Variants in TMC1 observed in about 807,000 individuals in gnomAD.
TMC1 encodes the protein transmembrane channel like 1, also known as transmembrane channel-like protein 1.
In TMC1, 84 loss-of-function variants were observed where a neutral mutation model predicts 105.8. The ratio of observed to expected loss-of-function variants is 0.79; its 90% CI spans 0.67 to 0.95. TMC1 has a LOEUF of 0.95. Ranked by LOEUF, TMC1 falls within the 40% of genes least tolerant of loss-of-function variation. The pLI is 0.00. For missense variants in TMC1, 817 were observed against 914.1 expected (o/e 0.89, Z 1.37); for synonymous variants, 315 against 311.5 (o/e 1.01, Z -0.12).
intron 8 of TMC1, among the ~76,000 whole-genome samples, chr9:72,728,328 G>T (rs1827156285): frequency 6.6e-6 from 1 of 152,182 alleles, no homozygotes; most frequent in Non-Finnish European, 1.5e-5. Flanking sequence ...AGCTTGTCAT[G>T]CAGATTCCTC....
chr9:72,729,842 A>C (rs1474127813), intron 8 of TMC1, among the ~76,000 whole-genome samples: 2 of 152,212 alleles, frequency 1.3e-5, no homozygotes, highest in African/African-American at 4.8e-5. Flanking sequence ...TTGAAGACCC[A>C]AGGAAAAACT....
At chr9:72,681,663 C>A (rs1423135041) in intron 5 of TMC1, among the ~76,000 whole-genome samples, 4 of 151,958 alleles carry the variant, frequency 2.6e-5, no homozygotes, top group Middle Eastern at 3.4e-3. Context: ...GGAAAACGTG[C>A]AAAAAAATTG....
intron 8 of TMC1, among the ~76,000 whole-genome samples, chr9:72,720,693 G>A (rs1165660633): frequency 1.3e-5 from 2 of 152,202 alleles, no homozygotes; most frequent in Admixed American, 6.5e-5. Context: ...AGATGCAAGA[G>A]GAACAAACTG....
At chr9:72,798,477 A>T (rs1828411814) in intron 17 of TMC1, among the ~76,000 whole-genome samples, 1 of 152,164 alleles carries the variant, frequency 6.6e-6, no homozygotes, top group African/African-American at 2.4e-5. Context: ...TCAATGACAG[A>T]TTGGATAGGG....
At chr9:72,666,886 CCAAAACAAAACAAAACAAAA>C (rs111525479) in intron 5 of TMC1, among the ~76,000 whole-genome samples, 61 of 148,094 alleles carry the variant, frequency 4.1e-4, no homozygotes, top group African/African-American at 1.4e-3. Flanking sequence ...CCCATCTCTA[CCAAAACAAAACAAAACAAAA>C]CAAAACAAAA....
chr9:72,656,664 A>G (rs934890856), intron 5 of TMC1, among the ~76,000 whole-genome samples: 2 of 152,176 alleles, frequency 1.3e-5, no homozygotes, highest in Admixed American at 1.3e-4. Flanking sequence ...CTTACTTGGT[A>G]ATTTTTTTAT....
intron 8 of TMC1, among the ~76,000 whole-genome samples, chr9:72,714,802 C>G (rs904434214): frequency 2.0e-5 from 3 of 152,042 alleles, no homozygotes; most frequent in Admixed American, 2.0e-4. Flanking sequence ...TTTGATCCTG[C>G]CATTATGATG....
At chr9:72,595,811 G>A (rs1408570883) in intron 2 of TMC1, among the ~76,000 whole-genome samples, 3 of 150,618 alleles carry the variant, frequency 2.0e-5, no homozygotes, top group Non-Finnish European at 4.4e-5. Flanking sequence ...TGAGTAGCTG[G>A]GATTACAGGC....
chr9:72,542,296 G>C (rs1823692424), intron 1 of TMC1, among the ~76,000 whole-genome samples: 1 of 152,036 alleles, frequency 6.6e-6, no homozygotes, highest in Non-Finnish European at 1.5e-5. Context: ...CCCCGTCTCT[G>C]CTAAAAATAC....
intron 12 of TMC1, among the ~76,000 whole-genome samples, chr9:72,757,329 A>G (rs1564534765): frequency 6.6e-6 from 1 of 152,190 alleles, no homozygotes; most frequent in Non-Finnish European, 1.5e-5. Context: ...TTTATATCTG[A>G]GACTAAGCTC....
At chr9:72,800,341 C>T (rs372812333) in intron 17 of TMC1, among the ~76,000 whole-genome samples, 6 of 152,234 alleles carry the variant, frequency 3.9e-5, no homozygotes, top group African/African-American at 1.2e-4. Flanking sequence ...GAATTTGAGA[C>T]GTTCTCTTCT....
chr9:72,637,609 T>C (rs370769680), intron 4 of TMC1, among the ~76,000 whole-genome samples: 1 of 152,208 alleles, frequency 6.6e-6, no homozygotes. Context: ...AGAAGACCTA[T>C]TTCCCAGAGA....
intron 1 of TMC1, among the ~76,000 whole-genome samples, chr9:72,555,216 A>G (rs530035464): frequency 1.5e-3 from 203 of 135,644 alleles, no homozygotes; most frequent in African/African-American, 5.3e-3. Context: ...TTTTTTTGAG[A>G]CAGAGTTTTG....
chr9:72,758,203 A>G (rs989503845), intron 12 of TMC1, among the ~76,000 whole-genome samples: 2 of 152,216 alleles, frequency 1.3e-5, no homozygotes, highest in African/African-American at 4.8e-5. Context: ...CAGGAAAGAT[A>G]GGTTGATTCA....
intron 20 of TMC1, among the ~76,000 whole-genome samples, chr9:72,823,004 A>T (rs1206925256): frequency 3.9e-5 from 6 of 152,162 alleles, no homozygotes; most frequent in Admixed American, 1.3e-4. Flanking sequence ...GAAATCAGGG[A>T]AATTTATTTT....
intron 1 of TMC1, among the ~76,000 whole-genome samples, chr9:72,569,582 G>A (rs7873501): frequency 0.14 from 21,169 of 152,114 alleles, 2,068 homozygotes; most frequent in African/African-American, 0.26. Context: ...CAGGTGGATG[G>A]GGCAGGGCAT....
chr9:72,654,478 T>TA, intron 5 of TMC1, among the ~76,000 whole-genome samples: 1 of 152,248 alleles, frequency 6.6e-6, no homozygotes, highest in Non-Finnish European at 1.5e-5. Flanking sequence ...TCACTATTGG[T>TA]ATATTATCTA....
At chr9:72,724,070 T>C (rs1388459640) in intron 8 of TMC1, among the ~76,000 whole-genome samples, 1 of 152,226 alleles carries the variant, frequency 6.6e-6, no homozygotes, top group Non-Finnish European at 1.5e-5. Flanking sequence ...AATGATAATA[T>C]TCAAAGATGT....
In TMC1 at chr9:72,730,905, G is replaced by A. The variant is rs185587704; in HGVS notation, c.363-9214G>A. ...ACCCCTATGAAAATCTAATGTGACT[G>A]CTGATCTGACAGCAGGAGGAGCTCA... On this transcript the variant is annotated intron_variant, in intron 8 of 23. Transcript: ENST00000297784. 3.0e-3 allele frequency among the ~76,000 whole-genome samples: 450 copies of A among 152,322 alleles called. 2 individuals carry two copies. The highest frequency in any genetic ancestry group is 7.3e-3 in the Admixed American group (112 of 15,300).
Sources: allele counts gnomAD v4.1 joint callset (sites outside exome capture counted in the v4.1 genomes callset), GRCh38; gene constraint gnomAD v4.1.1; transcripts MANE v1.5; gene names NCBI Gene and HGNC (gene_info 2026-07-23, HGNC 2026-07-21).